The following PAK1 variants were observed in gnomAD, a reference collection of about 807,000 sequenced individuals.
PAK1 encodes serine/threonine-protein kinase PAK 1.
PAK1 carries 29 observed loss-of-function variants against 67.4 expected under a neutral mutation model. That is an observed-to-expected ratio of 0.43 (90% CI 0.32 to 0.59). PAK1 has a LOEUF of 0.59. Ranked by LOEUF, PAK1 falls within the 20% of genes least tolerant of loss-of-function variation. The probability of loss-of-function intolerance (pLI) is 0.07; values close to 1 mark genes in which losing one functional copy is unlikely to be tolerated. For missense variants in PAK1, 337 were observed against 670.7 expected (o/e 0.50, Z 5.50); for synonymous variants, 223 against 237.4 (o/e 0.94, Z 0.56).
chr11:77,513,670 CAAAAAAAAAAAAA>C, the PAK1 span, among the ~76,000 whole-genome samples: 1 of 52,928 alleles, frequency 1.9e-5, no homozygotes, highest in African/African-American at 8.1e-5. Context: ...GACTCTGTCT[CAAAAAAAAAAAAA>C]AAAAAAAAAA....
At chr11:77,380,430 T>C (rs373843847) in intron 2 of PAK1, among the ~76,000 whole-genome samples, 247 of 152,234 alleles carry the variant, frequency 1.6e-3, no homozygotes, top group African/African-American at 5.7e-3. Flanking sequence ...GATGTAGAGG[T>C]TGCAGTGAGC....
At chr11:77,349,361 T>C in intron 8 of PAK1, 74 bp from the exon 9 acceptor site, 1 of 1,129,312 alleles carries the variant, frequency 8.9e-7, no homozygotes, top group Non-Finnish European at 1.3e-6. Flanking sequence ...CAAATGCAGT[T>C]CTACACACAA....
chr11:77,425,221 T>C (rs112196130), intron 1 of PAK1, among the ~76,000 whole-genome samples: 4,869 of 151,788 alleles, frequency 0.032, 129 homozygotes, highest in African/African-American at 0.074. Flanking sequence ...GGCATACACA[T>C]CCCATTTTAA....
At chr11:77,376,667 G>A (rs1949126276) in intron 4 of PAK1, among the ~76,000 whole-genome samples, 1 of 150,088 alleles carries the variant, frequency 6.7e-6, no homozygotes, top group Middle Eastern at 3.5e-3. Context: ...AACCCAGGAG[G>A]CAGATGTTGC....
At chr11:77,431,690 C>T (rs1396007430) in intron 1 of PAK1, among the ~76,000 whole-genome samples, 1 of 152,178 alleles carries the variant, frequency 6.6e-6, no homozygotes, top group East Asian at 1.9e-4. Context: ...TTGGAGCTAT[C>T]AAAATGGCAC....
rs140209506 is a variant in PAK1, at chr11:77,326,275, G to A, written c.1552-2915C>T. Among the ~76,000 whole-genome samples, 161 of 152,256 alleles carry A rather than the reference G, an allele frequency of 1.1e-3. No homozygotes were observed. The South Asian group carries it at 0.014, about 13-fold the overall frequency. On this transcript the variant is annotated intron_variant, in intron 14 of 14. Coordinates refer to ENST00000356341, the MANE Select transcript of PAK1 (RefSeq NM_002576.5). ...AAAGGCCTAGTAAACCCCTGACTCC[G>A]GGTTTCCCCACAAACTGGCAAAATC...
At chr11:77,437,176 T>C (rs141490700) in intron 1 of PAK1, among the ~76,000 whole-genome samples, 1 of 152,350 alleles carries the variant, frequency 6.6e-6, no homozygotes, top group Non-Finnish European at 1.5e-5. Flanking sequence ...TCTATGCCTA[T>C]CTGTTCCCAT....
At chr11:77,388,873 C>T (rs866150276) in intron 2 of PAK1, among the ~76,000 whole-genome samples, 1 of 152,194 alleles carries the variant, frequency 6.6e-6, no homozygotes, top group South Asian at 2.1e-4. Context: ...GGCTCTGCTT[C>T]CATCTGCTGT....
At chr11:77,507,340 T>C in the PAK1 span, among the ~76,000 whole-genome samples, 1 of 152,200 alleles carries the variant, frequency 6.6e-6, no homozygotes, top group Non-Finnish European at 1.5e-5. Flanking sequence ...TCCTCTGGTC[T>C]ACGTCTCTAA....
intron 1 of PAK1, among the ~76,000 whole-genome samples, chr11:77,472,430 G>C (rs1957906670): frequency 6.6e-6 from 1 of 152,344 alleles, no homozygotes; most frequent in Admixed American, 6.5e-5. Flanking sequence ...TCTGTAAGAG[G>C]AGAGACAGGA....
intron 2 of PAK1, among the ~76,000 whole-genome samples, chr11:77,384,665 T>C (rs1019983025): frequency 6.6e-6 from 1 of 152,202 alleles, no homozygotes. Flanking sequence ...CAATATACTG[T>C]GTAATTCCAT....
At chr11:77,386,198 A>C (rs1403203635) in intron 2 of PAK1, among the ~76,000 whole-genome samples, 1 of 152,224 alleles carries the variant, frequency 6.6e-6, no homozygotes, top group African/African-American at 2.4e-5. Flanking sequence ...TCAAAGTTTC[A>C]GCACAAATCA....
intron 1 of PAK1, among the ~76,000 whole-genome samples, chr11:77,447,466 AT>A (rs1956665267): frequency 6.6e-6 from 1 of 152,116 alleles, no homozygotes; most frequent in Non-Finnish European, 1.5e-5. Context: ...GCAGCTTTTC[AT>A]CCCTTTTTAG....
chr11:77,337,422 C>T lies in PAK1; in HGVS notation c.1118G>A (p.Cys373Tyr). Residue 373 changes from cysteine (C) to tyrosine (Y), a missense_variant and splice_region_variant, in exon 12 of 15, where the codon TGT becomes TAT. By Grantham distance (194) the Cys-to-Tyr change is radical (BLOSUM62 -2). This residue lies in a region of PAK1 where 25 missense variants were observed against 47.6 expected (regional missense o/e 0.53). Transcript: ENST00000356341. The stretch of plus-strand genomic sequence containing the variant: ...ATGCAAGAACTCCAGAGCCTGCAGA[C>T]ACTATTGAAGTGGTGTGGGCAGGGG... ...EGQIAAVCRE[C>Y]LQALEFLHSN... 1 of 1,584,500 alleles carries T rather than the reference C, an allele frequency of 6.3e-7. No individual in the cohort carries two copies. The highest frequency in any genetic ancestry group is 8.7e-7 in the Non-Finnish European group (1 of 1,153,810).
chr11:77,459,896 C>G (rs1003472155), intron 1 of PAK1, among the ~76,000 whole-genome samples: 1 of 151,546 alleles, frequency 6.6e-6, no homozygotes, highest in Non-Finnish European at 1.5e-5. Context: ...CGGGGTTTCA[C>G]CGTGTTAGCC....
chr11:77,377,615 G>A (rs1272314506), intron 4 of PAK1, among the ~76,000 whole-genome samples: 1 of 151,952 alleles, frequency 6.6e-6, no homozygotes, highest in African/African-American at 2.4e-5. Context: ...CTTTATCTTT[G>A]TTCATGAATA....
chr11:77,381,166 T>TA (rs1383662170), intron 2 of PAK1, among the ~76,000 whole-genome samples: 4 of 139,584 alleles, frequency 2.9e-5, no homozygotes, highest in African/African-American at 1.1e-4. Context: ...TGTGTGTGTG[T>TA]GTGTGTGTGT....
chr11:77,394,869 TACC>T (rs1951644713), intron 1 of PAK1, among the ~76,000 whole-genome samples: 1 of 151,616 alleles, frequency 6.6e-6, no homozygotes, highest in Non-Finnish European at 1.5e-5. Flanking sequence ...CAAAACAAAA[TACC>T]CTTCATTGAC....
Position 77,435,136 on chromosome 11 carries a change from A to T in PAK1, c.-22+38416T>A, listed in dbSNP as rs553383304. ...GAATATACAAAAAAAAAAAAAATTGAAATTAAAACCCCACCGGAAACAAGA... is the reference window on the plus strand; with the variant it reads ...GAATATACAAAAAAAAAAAAAATTGTAATTAAAACCCCACCGGAAACAAGA... On this transcript the variant is annotated intron_variant, in intron 1 of 14. Transcript: ENST00000356341. Among the ~76,000 whole-genome samples the T allele has an allele frequency of 1.0e-3, 154 of 147,092 alleles. 1 individual carries two copies. The highest frequency in any genetic ancestry group is 3.1e-3 in the Admixed American group (46 of 14,928).
Sources: allele counts gnomAD v4.1 joint callset (sites outside exome capture counted in the v4.1 genomes callset), GRCh38; gene constraint gnomAD v4.1.1; regional missense constraint gnomAD v4.1.1; transcripts MANE v1.5; gene names NCBI Gene and HGNC (gene_info 2026-07-23, HGNC 2026-07-21).